CSMD2: variants seen among roughly 807,000 people sequenced by gnomAD.
CSMD2 encodes CUB and sushi domain-containing protein 2.
Under a neutral mutation model 398.5 loss-of-function variants are expected in CSMD2, and 130 were observed. The observed-to-expected ratio is 0.33, with a 90% CI of 0.28 to 0.38. CSMD2 has a LOEUF of 0.38. Among genes scored for constraint, CSMD2 ranks in the 10% least tolerant of loss-of-function variants. The pLI is 1.00. For missense variants in CSMD2, 3,829 were observed against 4,764.9 expected, an observed-to-expected ratio of 0.80 and a Z score of 5.78; for synonymous variants, 1,828 against 1,908.5, an observed-to-expected ratio of 0.96 and a Z score of 1.10.
chr1:33,611,783 C>T (rs1051420024), intron 40 of CSMD2, among the ~76,000 whole-genome samples: 8 of 152,146 alleles, frequency 5.3e-5, no homozygotes, highest in Non-Finnish European at 1.0e-4. Flanking sequence ...TTAATCAAGA[C>T]ATTCTAGCAA....
In CSMD2 at chr1:33,557,760, C is replaced by CATG. The variant is rs1262798687; in HGVS notation, c.8714_8716dup (p.Thr2905_Trp2906insSer). 2 of 1,536,092 alleles carry CATG rather than the reference C, an allele frequency of 1.3e-6. No homozygotes were observed. The highest frequency in any genetic ancestry group is 1.7e-6 in the Non-Finnish European group (2 of 1,146,892). The stretch of plus-strand genomic sequence containing the variant: ...GAGACACTGGGGGCGGGGACGGTCC[C>CATG]ATGTGCCATCTCCCTGGCAGCTGAG... On this transcript the variant is annotated inframe_insertion, in exon 55 of 71. Coordinates refer to ENST00000373381, the MANE Select transcript of CSMD2 (RefSeq NM_001281956.2).
At chr1:33,934,269 A>G (rs887620669) in intron 4 of CSMD2, among the ~76,000 whole-genome samples, 2 of 152,252 alleles carry the variant, frequency 1.3e-5, no homozygotes, top group African/African-American at 4.8e-5. Flanking sequence ...GGATCCATGG[A>G]ATTTAGAGAT....
At chr1:33,534,851 A>G (rs1238307467) in intron 62 of CSMD2, among the ~76,000 whole-genome samples, 2 of 152,166 alleles carry the variant, frequency 1.3e-5, no homozygotes, top group Non-Finnish European at 2.9e-5. Flanking sequence ...CCAACCCATC[A>G]ATGAGTCCTC....
intron 1 of CSMD2, among the ~76,000 whole-genome samples, chr1:34,153,945 T>C (rs1339937469): frequency 6.6e-6 from 1 of 152,108 alleles, no homozygotes; most frequent in Non-Finnish European, 1.5e-5. Context: ...ATATGCCAAA[T>C]AGATGGATTA....
chr1:33,820,676 C>T lies in CSMD2; in HGVS notation c.1112-120G>A, dbSNP rs895344848. On this transcript the variant is annotated intron_variant, in intron 7 of 70. Transcript: ENST00000373381. ...AGGTGGAGGCAGAGACAGAATGAGG[C>T]CCTGCTTTGTTGGGGCTGTGTGGGG... 49 of 696,424 alleles carry T rather than the reference C, an allele frequency of 7.0e-5. No homozygotes were observed. In the African/African-American group the frequency reaches 8.6e-4, roughly 12 times the overall value. The allele number at this position is 696,424 out of a possible 1,614,324, so 43.1% of individuals were successfully genotyped here.
At chr1:34,012,280 C>T (rs947569081) in intron 3 of CSMD2, among the ~76,000 whole-genome samples, 5 of 152,122 alleles carry the variant, frequency 3.3e-5, no homozygotes, top group African/African-American at 9.7e-5. Flanking sequence ...CAGTCCTTCA[C>T]CTCTTTCACC....
intron 28 of CSMD2, among the ~76,000 whole-genome samples, 160 bp downstream of exon 28, chr1:33,652,163 G>A (rs1490932058): frequency 6.6e-6 from 1 of 152,202 alleles, no homozygotes; most frequent in African/African-American, 2.4e-5. Flanking sequence ...TTGGCACGTA[G>A]ATGTTCAATA....
In CSMD2 at chr1:33,537,748, T is replaced by G. The variant is rs924685624; in HGVS notation, c.9632-139A>C. The G allele has an allele frequency of 1.2e-5, 10 of 821,372 alleles. No homozygotes were observed. In the African/African-American group the frequency reaches 1.7e-4, roughly 14 times the overall value. 50.9% of individuals were successfully genotyped at this position (821,372 alleles called of 1,614,324 possible). A position where few individuals can be genotyped will look rare whatever the true frequency, so the allele number is the denominator to read the frequency against. ...CTCTGGGAACCGGGGCAGCCCCAGG[T>G]AGGTGCTTCCACCTGCTGCGGTGCT... is the stretch of plus-strand genomic sequence containing the variant. On this transcript the variant is annotated intron_variant, in intron 60 of 70. Coordinates refer to ENST00000373381, the MANE Select transcript of CSMD2 (RefSeq NM_001281956.2). This position sits in a 1 kb window ranked among gnomAD's most constrained non-coding sequence, Gnocchi z 4.6.
chr1:33,591,915 T>C (rs1281943937), intron 44 of CSMD2: 1 of 166,648 alleles, frequency 6.0e-6, no homozygotes, highest in Non-Finnish European at 1.3e-5. Context: ...AAATTTATAA[T>C]ACCTAATCTC....
chr1:34,118,041 C>G (rs891774391), intron 1 of CSMD2, among the ~76,000 whole-genome samples: 2 of 152,002 alleles, frequency 1.3e-5, no homozygotes, highest in Non-Finnish European at 2.9e-5. Context: ...TGGTGAAACC[C>G]CATCTCTACT....
At chr1:33,704,299 TC>T (rs1483354543) in intron 22 of CSMD2, among the ~76,000 whole-genome samples, 1 of 152,170 alleles carries the variant, frequency 6.6e-6, no homozygotes, top group Non-Finnish European at 1.5e-5. Context: ...TTTTTATAGT[TC>T]CTTTTTTTCT....
At chr1:33,766,024 C>A (rs1013758565) in intron 13 of CSMD2, among the ~76,000 whole-genome samples, 19 of 152,162 alleles carry the variant, frequency 1.2e-4, no homozygotes, top group African/African-American at 4.6e-4. Flanking sequence ...TACCTCTTAC[C>A]CCAACAGGGA....
At position 33,759,324 on chromosome 1, in the gene CSMD2, C is replaced by CTTTCTT. The variant is rs1553196465; in HGVS notation, c.1846+13244_1846+13245insAAGAAA. Among the ~76,000 whole-genome samples, 72 of 124,750 alleles carry CTTTCTT rather than the reference C, an allele frequency of 5.8e-4. 3 individuals are homozygous for CTTTCTT. The highest frequency in any genetic ancestry group is 1.7e-3 in the African/African-American group (57 of 32,756). 81.8% of individuals were successfully genotyped at this position (124,750 alleles called of 152,430 possible). A position where few individuals can be genotyped will look rare whatever the true frequency, so the allele number is the denominator to read the frequency against. On this transcript the variant is annotated intron_variant, in intron 13 of 70. Transcript: ENST00000373381. ...GCTTGAGTTTCTTTTCTTTTTTTTTCTTTTTTTTTTTTTTTTTTTGAGACA... is the reference window on the plus strand; with the variant it reads ...GCTTGAGTTTCTTTTCTTTTTTTTTCTTTCTTTTTTTTTTTTTTTTTTTTTGAGACA...
intron 12 of CSMD2, among the ~76,000 whole-genome samples, chr1:33,782,194 C>T (rs1256949816): frequency 1.3e-5 from 2 of 150,422 alleles, no homozygotes; most frequent in Admixed American, 6.7e-5. Flanking sequence ...CGCCCCCCAA[C>T]CCCTGCTCGT....
At chr1:33,957,543 G>A (rs1242334970) in intron 3 of CSMD2, among the ~76,000 whole-genome samples, 1 of 152,190 alleles carries the variant, frequency 6.6e-6, no homozygotes, top group African/African-American at 2.4e-5. Flanking sequence ...AAGGGGCTGT[G>A]AGTGAACAAG....
intron 6 of CSMD2, among the ~76,000 whole-genome samples, chr1:33,832,525 C>G (rs988573637): frequency 3.3e-5 from 5 of 149,436 alleles, no homozygotes; most frequent in Admixed American, 1.3e-4. Flanking sequence ...ATTTATAGCA[C>G]TAAATGCCCA....
At chr1:33,617,974 CCT>C (rs750707534) in intron 37 of CSMD2, among the ~76,000 whole-genome samples, 4 of 151,594 alleles carry the variant, frequency 2.6e-5, no homozygotes, top group East Asian at 1.9e-4. Flanking sequence ...TCTTAACTCC[CCT>C]CTGTCTTCCT....
intron 2 of CSMD2, among the ~76,000 whole-genome samples, chr1:34,085,120 T>C (rs1657707975): frequency 6.6e-6 from 1 of 152,000 alleles, no homozygotes; most frequent in Admixed American, 6.6e-5. Context: ...CTCAGCAAAC[T>C]ATCACAAGGA....
At chr1:33,580,501 C>T (rs1434157242) in intron 48 of CSMD2, among the ~76,000 whole-genome samples, 2 of 152,150 alleles carry the variant, frequency 1.3e-5, no homozygotes, top group South Asian at 2.1e-4. Flanking sequence ...GGGACAGGAT[C>T]ACTGTTAGGC....
Sources: allele counts gnomAD v4.1 joint callset (sites outside exome capture counted in the v4.1 genomes callset), GRCh38; gene constraint gnomAD v4.1.1; non-coding constraint Gnocchi (gnomAD v3.1); transcripts MANE v1.5; gene names NCBI Gene and HGNC (gene_info 2026-07-23, HGNC 2026-07-21).